The following GABRG3 variants were observed in gnomAD, a reference collection of about 807,000 sequenced individuals.
GABRG3 encodes gamma-aminobutyric acid type A receptor subunit gamma3, also known as gamma-aminobutyric acid receptor subunit gamma-3.
A neutral mutation model predicts 48.8 loss-of-function variants in GABRG3; 25 were observed. The observed-to-expected ratio is 0.51, with a 90% CI of 0.37 to 0.72. The LOEUF is 0.72. GABRG3 is among the 30% of genes least tolerant of loss of function. The pLI is 0.00. For synonymous variants in GABRG3, 227 were observed against 217.6 expected, an observed-to-expected ratio of 1.04 and a Z score of -0.38; for missense variants, 394 against 577.9, an observed-to-expected ratio of 0.68 and a Z score of 3.26.
intron 5 of GABRG3, among the ~76,000 whole-genome samples, chr15:27,395,211 C>T (rs879274319): frequency 2.5e-4 from 38 of 152,238 alleles, no homozygotes; most frequent in Admixed American, 2.3e-3. Context: ...TTACATTTCC[C>T]TGGTTCTTTA....
intron 3 of GABRG3, among the ~76,000 whole-genome samples, chr15:27,159,547 G>T (rs1470610480): frequency 6.6e-6 from 1 of 151,528 alleles, no homozygotes; most frequent in Non-Finnish European, 1.5e-5. Context: ...TTCTTTAAGG[G>T]ATTTCTTCTC....
At chr15:27,461,844 G>A (rs763922232) in intron 5 of GABRG3, among the ~76,000 whole-genome samples, 2 of 152,180 alleles carry the variant, frequency 1.3e-5, no homozygotes, top group Non-Finnish European at 2.9e-5. Context: ...GCCAAAAACA[G>A]TGTAGAGAGA....
intron 6 of GABRG3, among the ~76,000 whole-genome samples, chr15:27,481,915 A>G (rs1890109156): frequency 6.6e-6 from 1 of 152,322 alleles, no homozygotes; most frequent in East Asian, 1.9e-4. Flanking sequence ...GCAATGTACC[A>G]GCAGACCTTT....
chr15:27,102,203 G>A lies in GABRG3; in HGVS notation c.270+75382G>A, dbSNP rs143046131. On this transcript the variant is annotated intron_variant, in intron 3 of 9. Coordinates refer to ENST00000615808, the MANE Select transcript of GABRG3 (RefSeq NM_033223.5). The stretch of plus-strand genomic sequence containing the variant: ...GGGCTGCTGCCAATGTTAGGAGCTG[G>A]GAGAGCTAGTCAATTCATTTCAGTC... Among the ~76,000 whole-genome samples, 633 of 152,246 alleles carry A rather than the reference G, an allele frequency of 4.2e-3. 4 individuals carry two copies. Among genetic ancestry groups the A allele is most frequent in the African/African-American group, 0.014 (600 of 41,544 alleles).
chr15:27,031,936 A>G (rs1896094695), intron 3 of GABRG3, among the ~76,000 whole-genome samples: 1 of 152,180 alleles, frequency 6.6e-6, no homozygotes, highest in African/African-American at 2.4e-5. Context: ...AGTTCATAGC[A>G]GTTTTTGCAT....
rs1422678241 is a variant in GABRG3, at chr15:27,313,298, A to G, written c.271-13511A>G. Among the ~76,000 whole-genome samples the G allele has an allele frequency of 2.1e-4, 24 of 112,652 alleles. 3 individuals are homozygous for G. Among genetic ancestry groups the G allele is most frequent in the East Asian group, 1.9e-3 (6 of 3,160 alleles). 73.9% of individuals were successfully genotyped at this position (112,652 alleles called of 152,430 possible). On this transcript the variant is annotated intron_variant, in intron 3 of 9. Transcript: ENST00000615808. ...TATATATATATATATATATATATAT[A>G]TATATATATATACCCAACATCAGCA...
intron 6 of GABRG3, among the ~76,000 whole-genome samples, chr15:27,490,644 T>G (rs1292643052): frequency 1.3e-5 from 2 of 152,208 alleles, no homozygotes; most frequent in African/African-American, 4.8e-5. Context: ...CTGGTTCTAT[T>G]TCAGCTGGTT....
At chr15:27,273,565 G>T (rs74004783) in intron 3 of GABRG3, among the ~76,000 whole-genome samples, 3,464 of 152,284 alleles carry the variant, frequency 0.023, 135 homozygotes, top group African/African-American at 0.079. Flanking sequence ...CGCAGAAGTC[G>T]TATGAGCTAT....
intron 3 of GABRG3, among the ~76,000 whole-genome samples, chr15:27,117,590 AT>A (rs1897663779): frequency 6.6e-6 from 1 of 152,202 alleles, no homozygotes; most frequent in Non-Finnish European, 1.5e-5. Flanking sequence ...TGATTGGCAG[AT>A]TTCCAGGGGT....
At chr15:27,380,055 ATGTTC>A (rs921739467) in intron 5 of GABRG3, among the ~76,000 whole-genome samples, 2 of 150,424 alleles carry the variant, frequency 1.3e-5, no homozygotes, top group African/African-American at 4.9e-5. Context: ...TGGTTTTTTA[ATGTTC>A]TGTTCTGTCC....
intron 3 of GABRG3, among the ~76,000 whole-genome samples, chr15:27,305,089 TAC>T (rs1339955342): frequency 1.3e-5 from 2 of 151,926 alleles, no homozygotes; most frequent in Non-Finnish European, 2.9e-5. Context: ...AGGTTTTTAA[TAC>T]ATTTTGAGTT....
intron 2 of GABRG3, among the ~76,000 whole-genome samples, chr15:27,017,849 C>T: frequency 6.6e-6 from 1 of 152,186 alleles, no homozygotes; most frequent in East Asian, 1.9e-4. Context: ...GGGCTTTCTA[C>T]TCTGCCATCT....
chr15:27,159,125 A>G (rs1435117462), intron 3 of GABRG3, among the ~76,000 whole-genome samples: 1 of 93,660 alleles, frequency 1.1e-5, no homozygotes, highest in East Asian at 2.2e-4. Context: ...TATAAAACTT[A>G]TATTTATCTA....
chr15:27,000,718 G>A (rs1386289854), intron 2 of GABRG3, among the ~76,000 whole-genome samples: 1 of 152,048 alleles, frequency 6.6e-6, no homozygotes, highest in Non-Finnish European at 1.5e-5. Flanking sequence ...TAAGTTTCCT[G>A]AGACTTCCTT....
chr15:27,243,338 C>A (rs1890184346), intron 3 of GABRG3, among the ~76,000 whole-genome samples: 1 of 152,068 alleles, frequency 6.6e-6, no homozygotes, highest in South Asian at 2.1e-4. Flanking sequence ...CTTGCTGTAT[C>A]AAGGGGTCAG....
At chr15:27,177,228 G>C (rs1056831110) in intron 3 of GABRG3, among the ~76,000 whole-genome samples, 1 of 152,166 alleles carries the variant, frequency 6.6e-6, no homozygotes, top group Admixed American at 6.5e-5. Flanking sequence ...CTTGGTATGA[G>C]TTACAGGTCC....
chr15:27,476,281 A>G (rs771190891), intron 5 of GABRG3, among the ~76,000 whole-genome samples: 3 of 152,248 alleles, frequency 2.0e-5, no homozygotes, highest in Non-Finnish European at 2.9e-5. Context: ...TAAAAGACAC[A>G]GAAAAGCATG....
chr15:27,204,535 C>A (rs934256072), intron 3 of GABRG3, among the ~76,000 whole-genome samples: 2 of 151,858 alleles, frequency 1.3e-5, no homozygotes, highest in African/African-American at 4.8e-5. Flanking sequence ...TTTTTGGTTC[C>A]AAATGAATTT....
intron 3 of GABRG3, among the ~76,000 whole-genome samples, chr15:27,182,927 G>A (rs1887978484): frequency 6.6e-6 from 1 of 152,148 alleles, no homozygotes. Context: ...TGAGGATGTC[G>A]TCTGAGGGTG....
Sources: allele counts gnomAD v4.1 joint callset (sites outside exome capture counted in the v4.1 genomes callset), GRCh38; gene constraint gnomAD v4.1.1; transcripts MANE v1.5; gene names NCBI Gene and HGNC (gene_info 2026-07-23, HGNC 2026-07-21).